DMD: variants seen among roughly 807,000 people sequenced by gnomAD.
The protein encoded by DMD is dystrophin, also known as mutant dystrophin.
DMD carries 63 observed loss-of-function variants against 330.1 expected under a neutral mutation model. That is an observed-to-expected ratio of 0.19 (90% CI 0.16 to 0.24). DMD has a LOEUF of 0.24. Ranked by LOEUF, DMD falls within the 10% of genes least tolerant of loss-of-function variation. DMD has a pLI of 1.00. For missense variants in DMD, 3,344 were observed against 2,684.1 expected, an observed-to-expected ratio of 1.25 and a Z score of -5.43; for synonymous variants, 1,223 against 959.8, an observed-to-expected ratio of 1.27 and a Z score of -5.07.
chrX:32,842,628 G>T (rs1259794520), intron 4 of DMD, among the ~76,000 whole-genome samples: 2 of 110,830 alleles, frequency 1.8e-5, no homozygotes, highest in Non-Finnish European at 3.8e-5. Flanking sequence ...CCTTGTGTTC[G>T]TGTGCATTCA....
At chrX:32,866,229 C>T (rs138891471) in intron 2 of DMD, among the ~76,000 whole-genome samples, 69 of 111,960 alleles carry the variant, frequency 6.2e-4, no homozygotes, top group African/African-American at 2.0e-3. Context: ...ATCAGCAAAG[C>T]CCCTTAGCCA....
At chrX:32,177,280 T>G (rs372892551) in intron 44 of DMD, among the ~76,000 whole-genome samples, 1 of 111,938 alleles carries the variant, frequency 8.9e-6, no homozygotes, top group Non-Finnish European at 1.9e-5. Context: ...TAATCATGAC[T>G]CTTTCCTGAC....
intron 60 of DMD, among the ~76,000 whole-genome samples, chrX:31,376,755 CTAA>C (rs2059905559): frequency 8.9e-6 from 1 of 112,226 alleles, no homozygotes; most frequent in African/African-American, 3.2e-5. Flanking sequence ...AGGACTGATC[CTAA>C]GCCAGTGGTT....
chrX:32,399,301 C>G (rs1238348841), intron 30 of DMD, among the ~76,000 whole-genome samples: 1 of 111,358 alleles, frequency 9.0e-6, no homozygotes, highest in Non-Finnish European at 1.9e-5. Context: ...AAGAGACAAC[C>G]CATGGAATGG....
chrX:31,667,390 T>A (rs1044150704), intron 53 of DMD, among the ~76,000 whole-genome samples: 1 of 111,519 alleles, frequency 9.0e-6, no homozygotes, highest in African/African-American at 3.3e-5. Flanking sequence ...GCTATGAACA[T>A]CTGTATAAAG....
At chrX:32,108,238 C>A (rs1240501631) in intron 44 of DMD, among the ~76,000 whole-genome samples, 2 of 110,598 alleles carry the variant, frequency 1.8e-5, no homozygotes, top group Non-Finnish European at 3.8e-5. Flanking sequence ...TTAGAAACAA[C>A]TTACATGTTC....
chrX:32,692,892 T>C (rs997855216), intron 9 of DMD, among the ~76,000 whole-genome samples: 1 of 111,974 alleles, frequency 8.9e-6, no homozygotes, highest in Non-Finnish European at 1.9e-5. Flanking sequence ...ACAATGTGCT[T>C]ATACCATGCA....
At chrX:32,668,715 C>T (rs1440061772) in intron 9 of DMD, among the ~76,000 whole-genome samples, 2 of 110,334 alleles carry the variant, frequency 1.8e-5, no homozygotes, top group Non-Finnish European at 3.8e-5. Context: ...CTGCTCTCTT[C>T]CCTATGCCAT....
intron 41 of DMD, among the ~76,000 whole-genome samples, chrX:32,327,283 A>C (rs944221355): frequency 9.0e-6 from 1 of 111,168 alleles, no homozygotes; most frequent in African/African-American, 3.3e-5. Flanking sequence ...AGGATTTGGA[A>C]ATTCATTTCA....
chrX:31,756,499 C>T (rs1358054079), intron 51 of DMD, among the ~76,000 whole-genome samples: 5 of 112,773 alleles, frequency 4.4e-5, no homozygotes, highest in Non-Finnish European at 7.5e-5. Context: ...CGCGCATGCA[C>T]GCGCACATAT....
chrX:33,181,469 T>C (rs1295552623), intron 1 of DMD, among the ~76,000 whole-genome samples: 1 of 111,586 alleles, frequency 9.0e-6, no homozygotes, highest in Non-Finnish European at 1.9e-5. Flanking sequence ...TCATTGTAGG[T>C]AATCACTGAG....
chrX:31,992,111 C>T (rs116644403), intron 44 of DMD, among the ~76,000 whole-genome samples: 3,939 of 111,596 alleles, frequency 0.035, 180 homozygotes, highest in African/African-American at 0.12. Context: ...AGCTAATAGA[C>T]ACTCCTGAGG....
intron 2 of DMD, among the ~76,000 whole-genome samples, chrX:33,002,750 T>A (rs1401086514): frequency 9.5e-6 from 1 of 105,424 alleles, no homozygotes; most frequent in African/African-American, 3.5e-5. Flanking sequence ...GTTAGGGTTT[T>A]GCCTTCAGTT....
At chrX:31,733,193 A>C in intron 51 of DMD, among the ~76,000 whole-genome samples, 1 of 111,778 alleles carries the variant, frequency 8.9e-6, no homozygotes, top group Middle Eastern at 4.6e-3. Context: ...AAGTCCCCCC[A>C]GAGTTGAGTG....
At chrX:32,497,108 C>A (rs1005660579) in intron 19 of DMD, among the ~76,000 whole-genome samples, 2 of 111,885 alleles carry the variant, frequency 1.8e-5, no homozygotes, top group Admixed American at 9.5e-5. Context: ...TACCCTCACC[C>A]ATCTGACAAA....
At chrX:32,041,555 T>C (rs1477804754) in intron 44 of DMD, among the ~76,000 whole-genome samples, 1 of 111,977 alleles carries the variant, frequency 8.9e-6, no homozygotes, top group Admixed American at 9.5e-5. Flanking sequence ...TGTATACTCA[T>C]ATGTTTGAGT....
intron 55 of DMD, among the ~76,000 whole-genome samples, chrX:31,550,437 CAA>C (rs1385369266): frequency 1.8e-5 from 2 of 111,885 alleles, no homozygotes; most frequent in African/African-American, 3.3e-5. Context: ...TTTATCAACA[CAA>C]AGAGTTTTCT....
chrX:31,197,188 C>T (rs777452606), intron 67 of DMD, among the ~76,000 whole-genome samples: 2 of 111,769 alleles, frequency 1.8e-5, no homozygotes, highest in Non-Finnish European at 3.8e-5. Context: ...AATGTGTCCA[C>T]AGTCACACAG....
chrX:31,123,674 G>A (rs974256876), intron 78 of DMD, among the ~76,000 whole-genome samples: 1 of 111,823 alleles, frequency 8.9e-6, no homozygotes, highest in African/African-American at 3.3e-5. Context: ...AATTACTAGC[G>A]ATCTTTACGG....
Sources: gnomAD v4.1 joint callset for allele counts (sites outside exome capture counted in the v4.1 genomes callset) on GRCh38, gnomAD v4.1.1 for gene constraint, MANE v1.5 for transcripts, NCBI Gene and HGNC (gene_info 2026-07-23, HGNC 2026-07-21) for gene names.